The following COL21A1 variants were observed in gnomAD, a reference collection of about 807,000 sequenced individuals.
COL21A1 encodes collagen alpha-1(XXI) chain.
In COL21A1, 149 loss-of-function variants were observed where a neutral mutation model predicts 137.9. That is an observed-to-expected ratio of 1.08 (90% CI 0.95 to 1.24). The LOEUF (loss-of-function observed/expected upper bound fraction) is 1.24, where lower values mean the gene tolerates loss of function less well. COL21A1 is among the 50% of genes most tolerant of loss of function. The pLI, the probability that COL21A1 is intolerant of heterozygous loss-of-function variation, is 0.00. For synonymous variants in COL21A1, 456 were observed against 391.5 expected (o/e 1.16, Z -1.95); for missense variants, 1,167 against 1,158.4 (o/e 1.01, Z -0.11).
chr6:56,358,013 T>C (rs1258405101), intron 1 of COL21A1, among the ~76,000 whole-genome samples: 1 of 152,200 alleles, frequency 6.6e-6, no homozygotes, highest in East Asian at 1.9e-4. Context: ...AAGAGTGATA[T>C]CTGATAAAAG....
intron 1 of COL21A1, among the ~76,000 whole-genome samples, chr6:56,358,338 G>GT (rs1765884838): frequency 6.6e-6 from 1 of 151,358 alleles, no homozygotes; most frequent in African/African-American, 2.4e-5. Context: ...ATTTTAATAT[G>GT]TAAAAAAAAA....
At chr6:56,321,363 T>C (rs1310786171) in intron 1 of COL21A1, among the ~76,000 whole-genome samples, 2 of 152,218 alleles carry the variant, frequency 1.3e-5, no homozygotes, top group Non-Finnish European at 2.9e-5. Context: ...ATGAAGCCTA[T>C]TACACATTAG....
At chr6:56,114,084 T>C (rs1318243102) in intron 16 of COL21A1, among the ~76,000 whole-genome samples, 1 of 152,250 alleles carries the variant, frequency 6.6e-6, no homozygotes. Flanking sequence ...CTTTTGACTC[T>C]AGTCCCTAAC....
At chr6:56,132,085 C>T (rs997614846) in intron 12 of COL21A1, among the ~76,000 whole-genome samples, 3 of 150,198 alleles carry the variant, frequency 2.0e-5, no homozygotes, top group Admixed American at 1.3e-4. Flanking sequence ...AAATAAATAG[C>T]TTTTTATATA....
chr6:56,184,288 G>A (rs1345261371), intron 1 of COL21A1, among the ~76,000 whole-genome samples: 1 of 152,006 alleles, frequency 6.6e-6, no homozygotes, highest in Non-Finnish European at 1.5e-5. Context: ...GTGGCCAGAG[G>A]AAAAGTGATA....
In COL21A1 at chr6:56,057,571, A is replaced by G; in HGVS notation, c.*86T>C. The stretch of plus-strand genomic sequence containing the variant: ...CACCGAGGTACTTAAGTTTCTTTTC[A>G]AGGGATTACTGTTGGTTATCTTCCT... On this transcript the variant is annotated 3_prime_UTR_variant, in exon 30 of 30. Coordinates refer to ENST00000244728, the MANE Select transcript of COL21A1 (RefSeq NM_030820.4). 7.8e-7 allele frequency: 1 copy of G among 1,286,032 alleles called. No individual in the cohort carries two copies. The highest frequency in any genetic ancestry group is 1.1e-6 in the Non-Finnish European group (1 of 910,572). The allele number at this position is 1,286,032 out of a possible 1,614,324, so 79.7% of individuals were successfully genotyped here.
chr6:56,151,715 G>A (rs571183342), intron 10 of COL21A1, among the ~76,000 whole-genome samples: 4 of 152,292 alleles, frequency 2.6e-5, no homozygotes, highest in Admixed American at 2.0e-4. Context: ...TCCAAACAAA[G>A]CAGAATTCCC....
Position 56,240,771 on chromosome 6 carries a change from T to C in COL21A1, c.-39+6616A>G, listed in dbSNP as rs551598712. Among the ~76,000 whole-genome samples, 3 of 152,304 alleles carry C rather than the reference T, an allele frequency of 2.0e-5. No individual in the cohort carries two copies. The East Asian group carries it at 5.8e-4, about 29-fold the overall frequency. ...GCATCTCAGTAAGTTGGTGGCAGGC[T>C]GGATGAGAAGCCATTTCCCAGCCCA... On this transcript the variant is annotated intron_variant, in intron 1 of 29. Coordinates refer to ENST00000244728, the MANE Select transcript of COL21A1 (RefSeq NM_030820.4).
chr6:56,072,229 C>A (rs911387797), intron 20 of COL21A1, among the ~76,000 whole-genome samples: 1 of 151,408 alleles, frequency 6.6e-6, no homozygotes, highest in Non-Finnish European at 1.5e-5. Flanking sequence ...GAGTTCATTC[C>A]ATGTCTTTTC....
intron 1 of COL21A1, among the ~76,000 whole-genome samples, chr6:56,287,532 T>C (rs1172349655): frequency 6.6e-6 from 1 of 152,088 alleles, no homozygotes; most frequent in Non-Finnish European, 1.5e-5. Context: ...CCCTTCTCTC[T>C]TTCTCTCCTG....
intron 24 of COL21A1, among the ~76,000 whole-genome samples, chr6:56,063,176 T>C (rs1392164280): frequency 6.6e-6 from 1 of 151,990 alleles, no homozygotes; most frequent in African/African-American, 2.4e-5. Flanking sequence ...AAATCCTGCC[T>C]TAGGAGAGCA....
At chr6:56,308,511 G>A (rs111779702) in intron 1 of COL21A1, among the ~76,000 whole-genome samples, 6 of 152,120 alleles carry the variant, frequency 3.9e-5, no homozygotes, top group African/African-American at 7.2e-5. Flanking sequence ...CTATTAATAC[G>A]AGGTATATAA....
chr6:56,151,009 G>A (rs1302953741), intron 10 of COL21A1, among the ~76,000 whole-genome samples: 2 of 152,154 alleles, frequency 1.3e-5, no homozygotes, highest in African/African-American at 4.8e-5. Context: ...GGATCACGAG[G>A]TCAGGAGATC....
At chr6:56,244,538 C>T (rs1782536418) in intron 1 of COL21A1, among the ~76,000 whole-genome samples, 2 of 152,140 alleles carry the variant, frequency 1.3e-5, no homozygotes, top group Admixed American at 1.3e-4. Flanking sequence ...AGTTTAATAA[C>T]ATTAAATTCT....
chr6:56,088,773 CA>C (rs972137125), intron 17 of COL21A1, among the ~76,000 whole-genome samples: 1 of 151,942 alleles, frequency 6.6e-6, no homozygotes, highest in African/African-American at 2.4e-5. Context: ...GAAAAATACG[CA>C]AAAAACCACA....
chr6:56,179,449 ATGT>A, intron 3 of COL21A1, 126 bp downstream of exon 3: 4 of 677,400 alleles, frequency 5.9e-6, no homozygotes, highest in East Asian at 2.8e-5. Context: ...AACATTATAA[ATGT>A]TGTAACATTA....
chr6:56,358,734 T>C (rs981102622), intron 1 of COL21A1, among the ~76,000 whole-genome samples: 25 of 152,166 alleles, frequency 1.6e-4, no homozygotes, highest in Non-Finnish European at 1.5e-5. Flanking sequence ...TCAGGAGAGA[T>C]ACTCAAAGAA....
At chr6:56,198,084 G>C (rs932549929) in intron 1 of COL21A1, among the ~76,000 whole-genome samples, 1 of 152,052 alleles carries the variant, frequency 6.6e-6, no homozygotes, top group African/African-American at 2.4e-5. Flanking sequence ...CATGGATAAA[G>C]CTGGAGGACA....
intron 1 of COL21A1, among the ~76,000 whole-genome samples, chr6:56,221,589 G>A (rs562622641): frequency 1.5e-4 from 23 of 152,128 alleles, no homozygotes; most frequent in South Asian, 6.2e-4. Context: ...GCTGACTGTC[G>A]TGTCACACAC....
Sources: gnomAD v4.1 joint callset for allele counts (sites outside exome capture counted in the v4.1 genomes callset) on GRCh38, gnomAD v4.1.1 for gene constraint, MANE v1.5 for transcripts, NCBI Gene and HGNC (gene_info 2026-07-23, HGNC 2026-07-21) for gene names.